Variants in CCDC187 observed in about 807,000 individuals in gnomAD.
The protein encoded by CCDC187 is coiled-coil domain containing 187.
CCDC187 carries 32 observed loss-of-function variants against 38.0 expected under a neutral mutation model. The ratio of observed to expected loss-of-function variants is 0.84; its 90% CI spans 0.64 to 1.13. The LOEUF (loss-of-function observed/expected upper bound fraction) is 1.13. CCDC187 is among the 50% of genes most tolerant of loss of function. CCDC187 has a pLI of 0.00. For synonymous variants in CCDC187, 333 were observed against 347.9 expected, an observed-to-expected ratio of 0.96 and a Z score of 0.48; for missense variants, 707 against 786.8, an observed-to-expected ratio of 0.90 and a Z score of 1.21.
chr9:136,292,907 G>A (rs1433158817), intron 4 of CCDC187, among the ~76,000 whole-genome samples: 2 of 152,230 alleles, frequency 1.3e-5, no homozygotes, highest in Non-Finnish European at 2.9e-5. Context: ...CACGTCCCGA[G>A]TACAAACGAG....
intron 7 of CCDC187, 46 bp downstream of exon 7, chr9:136,289,913 C>CA (rs1456164186): frequency 1.3e-5 from 5 of 392,556 alleles, no homozygotes; most frequent in South Asian, 1.3e-4. Flanking sequence ...TTGGCCCCCC[C>CA]CAAGGCCCCG....
At chr9:136,284,367 G>A (rs1289843749) in intron 9 of CCDC187, among the ~76,000 whole-genome samples, 75 of 152,314 alleles carry the variant, frequency 4.9e-4, no homozygotes, top group African/African-American at 1.6e-3. Flanking sequence ...TGGTGGACCT[G>A]GCCACGCATT....
intron 23 of CCDC187, 24 bp from the exon 24 acceptor site, chr9:136,256,347 C>G (rs1830612605): frequency 4.1e-6 from 4 of 974,848 alleles, no homozygotes; most frequent in Non-Finnish European, 4.9e-6. Context: ...GCAGAAATGA[C>G]ACTGTTGGGG....
At chr9:136,299,148 C>T (rs1450091229) in intron 3 of CCDC187, among the ~76,000 whole-genome samples, 1 of 152,172 alleles carries the variant, frequency 6.6e-6, no homozygotes, top group Non-Finnish European at 1.5e-5. Flanking sequence ...TGGCGCTGAC[C>T]ACAGGGCTCA....
At position 136,290,665 on chromosome 9, in the gene CCDC187, G is replaced by A. The variant is rs937405218; in HGVS notation, c.1948C>T (p.Arg650Trp). ...TTCTCCTCCAGGGCCTGCCGCCGCC[G>A]GGCCTGCGCCTTCTGGCGCATGAAC... The part of the protein sequence containing the change: ...REFMRQKAQA[R>W]RRQALEEKAS... Residue 650 changes from arginine to tryptophan, a missense_variant, in exon 6 of 26, where the codon CGG becomes TGG. Transcript: ENST00000638797. 8.5e-4 allele frequency: 340 copies of A among 398,532 alleles called. No homozygotes were observed. The highest frequency in any genetic ancestry group is 4.6e-3 in the African/African-American group (223 of 48,742). 24.7% of individuals were successfully genotyped at this position (398,532 alleles called of 1,614,324 possible).
chr9:136,285,437 AG>A, intron 9 of CCDC187, 75 bp downstream of exon 9: 2 of 31,252 alleles, frequency 6.4e-5, no homozygotes, highest in African/African-American at 3.1e-4. Flanking sequence ...GCAGGTGGGC[AG>A]GTGGGCAGGT....
intron 25 of CCDC187, 58 bp from the exon 26 acceptor site, chr9:136,255,192 C>A (rs1234478257): frequency 2.3e-5 from 20 of 862,866 alleles, no homozygotes; most frequent in Non-Finnish European, 2.8e-5. Context: ...CCATGCATAT[C>A]CCACGACCCC....
Position 136,253,641 on chromosome 9 carries a change from G to T in CCDC187, c.6187C>A (p.Pro2063Thr). 1 of 985,544 alleles carries T rather than the reference G, an allele frequency of 1.0e-6. No individual in the cohort carries two copies. 61.0% of individuals were successfully genotyped at this position (985,544 alleles called of 1,614,324 possible). A position where few individuals can be genotyped will look rare whatever the true frequency, so the allele number is the denominator to read the frequency against. ...DLSSLSEESL[P>T]EGLFPGPQGS... Reference sequence around the variant, plus strand: ...TGGGGCCCAGGAAACAGTCCCTCCGGCAGACTCTCCTCAGACAAGGAGGAC... The same window carrying T: ...TGGGGCCCAGGAAACAGTCCCTCCGTCAGACTCTCCTCAGACAAGGAGGAC... The change falls in exon 26 of 26, where the codon CCG becomes ACG. Residue 2063 changes from proline (P) to threonine (T), a missense_variant. By Grantham distance (38) the Pro-to-Thr change is conservative. Coordinates refer to ENST00000638797, the MANE Select transcript of CCDC187 (RefSeq NM_001378188.1).
intron 4 of CCDC187, chr9:136,296,357 C>G (rs1279454048): frequency 3.3e-5 from 5 of 152,230 alleles, no homozygotes; most frequent in African/African-American, 1.2e-4. Flanking sequence ...GTTCGGTGGC[C>G]CCAGAATCCA....
chr9:136,288,647 T>C lies in CCDC187; in HGVS notation c.2222+1312A>G, dbSNP rs935605078. 2.0e-3 allele frequency among the ~76,000 whole-genome samples: 299 copies of C among 152,176 alleles called. 1 individual carries two copies. The highest frequency in any genetic ancestry group is 6.9e-3 in the African/African-American group (286 of 41,538). On this transcript the variant is annotated intron_variant, in intron 7 of 25. Transcript: ENST00000638797. ...GCGAGAGCCAGGCTGGAAACTGTAG[T>C]GAGACCCAGGCGCAACTCCCCCAAG...
At chr9:136,267,911 C>G in intron 15 of CCDC187, 138 bp downstream of exon 15, 6 of 985,508 alleles carry the variant, frequency 6.1e-6, no homozygotes, top group Non-Finnish European at 7.2e-6. Context: ...GCGGGTGACG[C>G]GATCGCCGGA....
Position 136,262,378 on chromosome 9 carries a change from G to C in CCDC187, c.3997C>G (p.Pro1333Ala). 12 of 986,490 alleles carry C rather than the reference G, an allele frequency of 1.2e-5. No homozygotes were observed. Among genetic ancestry groups the C allele is most frequent in the Non-Finnish European group, 1.4e-5 (12 of 830,748 alleles). The allele number at this position is 986,490 out of a possible 1,614,324, so 61.1% of individuals were successfully genotyped here. Residue 1333 changes from proline (P) to alanine (A), a missense_variant, in exon 19 of 26, where the codon CCA (proline) becomes GCA (alanine). By Grantham distance (27) the Pro-to-Ala change is conservative. Coordinates refer to ENST00000638797, the MANE Select transcript of CCDC187 (RefSeq NM_001378188.1). ...QPEASLCPLT[P>A]CRPSSSTSHR... is the part of the protein sequence containing the mutation. ...CTGGTGGAGCTGCTGGGCCTGCATG[G>C]GGTCAGGGGACACAGGGAGGCCTCT... is the stretch of plus-strand genomic sequence containing the variant.
intron 3 of CCDC187, among the ~76,000 whole-genome samples, chr9:136,299,750 G>A (rs1241917629): frequency 6.6e-6 from 1 of 152,120 alleles, no homozygotes; most frequent in East Asian, 1.9e-4. Context: ...CCTTCCTCAC[G>A]GGCCTGGGAG....
At chr9:136,300,103 G>A (rs1385370687) in intron 3 of CCDC187, 117 bp downstream of exon 3, 3 of 396,106 alleles carry the variant, frequency 7.6e-6, no homozygotes, top group Non-Finnish European at 1.3e-5. Context: ...TTTCCAGTTG[G>A]GGTCCTCCCT....
Position 136,281,560 on chromosome 9 carries a change from G to A in CCDC187, c.3031C>T (p.Arg1011Trp), listed in dbSNP as rs1160320918. 1.5e-5 allele frequency: 6 copies of A among 398,430 alleles called. No homozygotes were observed. The highest frequency in any genetic ancestry group is 6.2e-4 in the Middle Eastern group (1 of 1,610). The allele number at this position is 398,430 out of a possible 1,614,324, so 24.7% of individuals were successfully genotyped here. Residue 1011 changes from arginine (R) to tryptophan (W), a missense_variant, in exon 10 of 26, where the codon CGG (arginine) becomes TGG (tryptophan). By Grantham distance (101) the Arg-to-Trp change is moderately radical. Coordinates refer to ENST00000638797, the MANE Select transcript of CCDC187 (RefSeq NM_001378188.1). The stretch of plus-strand genomic sequence containing the variant: ...GCAGGGTCGCCCTTACCGCAGCTCC[G>A]GGGGGTGCAGGGCGCCACAGAATCT... ...GADSVAPCTP[R>W]SCGQQEDPCV...
At chr9:136,306,881 T>A (rs1178717436), upstream of CCDC187, 107 of 152,396 alleles carry the variant, frequency 7.0e-4, no homozygotes, top group African/African-American at 2.5e-3. Flanking sequence ...CGGCTGTCTC[T>A]GAGGCCGGTG....
chr9:136,269,185 G>A (rs2131179352), intron 14 of CCDC187, among the ~76,000 whole-genome samples: 1 of 152,322 alleles, frequency 6.6e-6, no homozygotes, highest in African/African-American at 2.4e-5. Context: ...GAGGACCTTA[G>A]GACTCCCAGG....
rs111635897 is a variant in CCDC187 at position 136,257,868 on chromosome 9, C to T, written c.4367-1027G>A. Among the ~76,000 whole-genome samples the T allele has an allele frequency of 3.9e-3, 595 of 152,284 alleles. 4 individuals carry two copies. The highest frequency in any genetic ancestry group is 0.013 in the African/African-American group (525 of 41,552). ...CGCAGTCTTTTGATCAGAGAGCGGC[C>T]GGCACCGCAGTCAGGCAGACTCAGG... On this transcript the variant is annotated intron_variant, in intron 22 of 25. Transcript: ENST00000638797. The surrounding 1 kb of genome is among the most constrained non-coding windows in gnomAD (Gnocchi z 4.5).
intron 4 of CCDC187, among the ~76,000 whole-genome samples, chr9:136,294,312 A>G (rs1205060918): frequency 6.7e-6 from 1 of 149,850 alleles, no homozygotes; most frequent in Non-Finnish European, 1.5e-5. Flanking sequence ...GCTCATATAC[A>G]CATGCCCTCA....
Sources: allele counts gnomAD v4.1 joint callset (sites outside exome capture counted in the v4.1 genomes callset), GRCh38; gene constraint gnomAD v4.1.1; non-coding constraint Gnocchi (gnomAD v3.1); transcripts MANE v1.5; gene names NCBI Gene and HGNC (gene_info 2026-07-23, HGNC 2026-07-21).